The following ZBBX variants were observed in gnomAD, a reference collection of about 807,000 sequenced individuals.
ZBBX encodes zinc finger B-box domain containing, also known as zinc finger B-box domain-containing protein 1.
In ZBBX, 101 loss-of-function variants were observed where a neutral mutation model predicts 108.5. The observed-to-expected ratio is 0.93, with a 90% confidence interval of 0.79 to 1.10. ZBBX has a LOEUF of 1.10. Among genes scored for constraint, ZBBX ranks in the 50% least tolerant of loss-of-function variants. The pLI is 0.00. For synonymous variants in ZBBX, 356 were observed against 323.4 expected (o/e 1.10, Z -1.08); for missense variants, 1,009 against 941.4 (o/e 1.07, Z -0.94).
chr3:167,249,711 G>A (rs1025190917), intron 20 of ZBBX, among the ~76,000 whole-genome samples: 3 of 152,192 alleles, frequency 2.0e-5, no homozygotes, highest in African/African-American at 7.2e-5. Context: ...CTGGAGAGAC[G>A]TTATGTTACT....
In ZBBX at chr3:167,282,240, G is replaced by A; in HGVS notation, c.2252C>T (p.Ala751Val). Residue 751 changes from alanine to valine, a missense_variant and splice_region_variant, in exon 20 of 22, where the codon GCA (alanine) becomes GTA (valine). By Grantham distance (64) the Ala-to-Val change is moderately conservative. Transcript: ENST00000675490. ...AGTGAAAAAAAAAATAGGATTACCTGCAAGAGATCTCAGCACTTGTAATTC... is the reference window on the plus strand; with the variant it reads ...AGTGAAAAAAAAAATAGGATTACCTACAAGAGATCTCAGCACTTGTAATTC... ...EKELQVLRSL[A>V]DTSEKLYSLT... 6.2e-7 allele frequency: 1 copy of A among 1,606,362 alleles called. No individual in the cohort carries two copies. The highest frequency in any genetic ancestry group is 1.1e-5 in the South Asian group (1 of 89,108).
chr3:167,221,246 C>A, the ZBBX span, among the ~76,000 whole-genome samples: 1 of 149,292 alleles, frequency 6.7e-6, no homozygotes, highest in Non-Finnish European at 1.5e-5. Flanking sequence ...GGAGGAATCA[C>A]ATTACTTGAT....
chr3:167,315,350 G>A (rs1252741256), intron 15 of ZBBX, among the ~76,000 whole-genome samples: 1 of 151,996 alleles, frequency 6.6e-6, no homozygotes, highest in Non-Finnish European at 1.5e-5. Flanking sequence ...TAGTCTCTCA[G>A]CCTAATCATT....
At chr3:167,315,998 A>G (rs912711164) in intron 14 of ZBBX, among the ~76,000 whole-genome samples, 169 bp from the exon 15 acceptor site, 1 of 152,096 alleles carries the variant, frequency 6.6e-6, no homozygotes, top group African/African-American at 2.4e-5. Flanking sequence ...AACAAATTCA[A>G]CTGACATTGG....
At chr3:167,358,975 G>A (rs1485920685) in intron 8 of ZBBX, among the ~76,000 whole-genome samples, 5 of 142,318 alleles carry the variant, frequency 3.5e-5, no homozygotes, top group African/African-American at 1.3e-4. Context: ...GAGAGAATAT[G>A]TCACTTGTGA....
chr3:167,230,128 A>C, the ZBBX span, among the ~76,000 whole-genome samples: 253 of 151,914 alleles, frequency 1.7e-3, 1 homozygote, highest in Non-Finnish European at 3.1e-3. Flanking sequence ...CTCATATGTA[A>C]AATGGGGACT....
the ZBBX span, among the ~76,000 whole-genome samples, chr3:167,232,207 G>A: frequency 4.0e-5 from 6 of 151,732 alleles, no homozygotes; most frequent in African/African-American, 1.5e-4. Context: ...ACAGTGCAAT[G>A]AACTGTGTTT....
chr3:167,395,047 T>C (rs1215653280), intron 1 of ZBBX, among the ~76,000 whole-genome samples: 2 of 152,042 alleles, frequency 1.3e-5, no homozygotes, highest in Admixed American at 6.6e-5. Context: ...CAATTAACTC[T>C]AATACACTTA....
intron 1 of ZBBX, among the ~76,000 whole-genome samples, chr3:167,400,128 C>T (rs950346035): frequency 3.9e-5 from 6 of 152,152 alleles, no homozygotes; most frequent in South Asian, 4.1e-4. Flanking sequence ...AAGTTGATTC[C>T]GTGTCTTTTT....
chr3:167,198,185 A>G, the ZBBX span, among the ~76,000 whole-genome samples: 1 of 152,094 alleles, frequency 6.6e-6, no homozygotes, highest in Non-Finnish European at 1.5e-5. Flanking sequence ...TTACTTGAAG[A>G]GGTATGTTCT....
At chr3:167,183,278 C>G in the ZBBX span, among the ~76,000 whole-genome samples, 1 of 152,144 alleles carries the variant, frequency 6.6e-6, no homozygotes, top group African/African-American at 2.4e-5. Flanking sequence ...CCACTATTAC[C>G]CTGATGTTTC....
chr3:167,232,583 G>C, the ZBBX span, among the ~76,000 whole-genome samples: 1 of 151,776 alleles, frequency 6.6e-6, no homozygotes, highest in South Asian at 2.1e-4. Context: ...TGTCAGACAA[G>C]TTGAGAAAAA....
the ZBBX span, among the ~76,000 whole-genome samples, chr3:167,225,906 G>A: frequency 2.0e-5 from 3 of 151,354 alleles, no homozygotes; most frequent in African/African-American, 7.3e-5. Flanking sequence ...AGGTGCACAG[G>A]GTTCTAGTTA....
At chr3:167,204,330 C>T in the ZBBX span, among the ~76,000 whole-genome samples, 70 of 144,494 alleles carry the variant, frequency 4.8e-4, no homozygotes, top group African/African-American at 1.6e-3. Flanking sequence ...CATGCTGGTG[C>T]GCTGCACCCA....
chr3:167,343,845 T>C (rs1203253866), intron 9 of ZBBX, among the ~76,000 whole-genome samples: 1 of 151,908 alleles, frequency 6.6e-6, no homozygotes, highest in Non-Finnish European at 1.5e-5. Flanking sequence ...AGTTACCATA[T>C]GACCCAGCAA....
At chr3:167,400,319 C>G (rs913216616) in intron 1 of ZBBX, among the ~76,000 whole-genome samples, 2 of 152,136 alleles carry the variant, frequency 1.3e-5, no homozygotes, top group Non-Finnish European at 1.5e-5. Context: ...TACATTTCCA[C>G]CAACAGTATA....
At chr3:167,237,483 T>G (rs932856551), downstream of ZBBX, among the ~76,000 whole-genome samples, 13 of 151,794 alleles carry the variant, frequency 8.6e-5, no homozygotes, top group African/African-American at 3.1e-4. Context: ...ATGGCTGAGG[T>G]TCTTGTGGAA....
chr3:167,279,257 CAGG>C (rs1282958877), intron 20 of ZBBX, among the ~76,000 whole-genome samples: 9 of 151,944 alleles, frequency 5.9e-5, no homozygotes, highest in Admixed American at 2.6e-4. Flanking sequence ...GGCAATTAGG[CAGG>C]AGAAGGAAAT....
chr3:167,191,932 T>TAGAGAGAGAGAGAGAGAG, the ZBBX span, among the ~76,000 whole-genome samples: 124 of 128,042 alleles, frequency 9.7e-4, 1 homozygote, highest in African/African-American at 3.8e-3. Flanking sequence ...TATATATATA[T>TAGAGAGAGAGAGAGAGAG]ATAGAGCAAG....
Sources: gnomAD v4.1 joint callset for allele counts (sites outside exome capture counted in the v4.1 genomes callset) on GRCh38, gnomAD v4.1.1 for gene constraint, MANE v1.5 for transcripts, NCBI Gene and HGNC (gene_info 2026-07-23, HGNC 2026-07-21) for gene names.